Variants in ZMAT4 observed in about 807,000 individuals in gnomAD.
ZMAT4 encodes zinc finger matrin-type 4.
A neutral mutation model predicts 28.7 loss-of-function variants in ZMAT4; 17 were observed. The ratio of observed to expected loss-of-function variants is 0.59; its 90% CI spans 0.41 to 0.89. The LOEUF (loss-of-function observed/expected upper bound fraction) is 0.89, where lower values mean the gene tolerates loss of function less well. Among genes scored for constraint, ZMAT4 ranks in the 40% least tolerant of loss-of-function variants. ZMAT4 has a pLI of 0.00. For synonymous variants in ZMAT4, 117 were observed against 109.2 expected (o/e 1.07, Z -0.44); for missense variants, 240 against 283.8 (o/e 0.85, Z 1.11).
intron 5 of ZMAT4, among the ~76,000 whole-genome samples, chr8:40,671,473 T>C (rs1434279507): frequency 1.3e-5 from 2 of 152,204 alleles, no homozygotes; most frequent in Admixed American, 1.3e-4. Flanking sequence ...TATAGAATAC[T>C]ACTCAGTAAT....
chr8:40,834,935 G>A (rs551916434), intron 1 of ZMAT4, among the ~76,000 whole-genome samples: 1 of 152,356 alleles, frequency 6.6e-6, no homozygotes, highest in East Asian at 1.9e-4. Context: ...TTTGGGGAGA[G>A]CCCAAGGTGT....
intron 1 of ZMAT4, among the ~76,000 whole-genome samples, chr8:40,874,686 C>A (rs1817980470): frequency 6.6e-6 from 1 of 152,226 alleles, no homozygotes; most frequent in African/African-American, 2.4e-5. Flanking sequence ...AATTTAAGCA[C>A]AATTTATTGA....
chr8:40,539,012 C>T (rs1802939159), intron 6 of ZMAT4, among the ~76,000 whole-genome samples: 1 of 152,124 alleles, frequency 6.6e-6, no homozygotes, highest in African/African-American at 2.4e-5. Context: ...TCTTGATCTC[C>T]TGACCTCGTG....
intron 3 of ZMAT4, among the ~76,000 whole-genome samples, chr8:40,705,430 A>G (rs1282940984): frequency 6.6e-6 from 1 of 152,162 alleles, no homozygotes; most frequent in East Asian, 1.9e-4. Context: ...AGATATTTAA[A>G]TGTGCTTATT....
chr8:40,558,842 G>A (rs1252401905), intron 6 of ZMAT4, among the ~76,000 whole-genome samples: 2 of 151,852 alleles, frequency 1.3e-5, no homozygotes, highest in Admixed American at 6.6e-5. Context: ...TTAGGCCCAC[G>A]CCCTTTTGTG....
At chr8:40,836,151 G>A (rs1310228312) in intron 1 of ZMAT4, among the ~76,000 whole-genome samples, 3 of 152,180 alleles carry the variant, frequency 2.0e-5, no homozygotes, top group African/African-American at 7.2e-5. Flanking sequence ...GATGCAGTAA[G>A]AAATCGGGAA....
At chr8:40,778,096 G>A (rs551195447) in intron 2 of ZMAT4, among the ~76,000 whole-genome samples, 3 of 152,056 alleles carry the variant, frequency 2.0e-5, no homozygotes, top group Admixed American at 6.6e-5. Flanking sequence ...AACAAAACTC[G>A]CTTTAAACAG....
At chr8:40,679,549 G>A (rs981173161) in intron 4 of ZMAT4, among the ~76,000 whole-genome samples, 6 of 152,104 alleles carry the variant, frequency 3.9e-5, no homozygotes, top group African/African-American at 1.2e-4. Context: ...GGACGGGAAG[G>A]CCCCTTATAA....
In ZMAT4 at chr8:40,709,895, G is replaced by A. The variant is rs144643564; in HGVS notation, c.193-12494C>T. Among the ~76,000 whole-genome samples the A allele has an allele frequency of 2.0e-4, 31 of 152,098 alleles. No homozygotes were observed. In the East Asian group the frequency reaches 4.6e-3, roughly 23 times the overall value. On this transcript the variant is annotated intron_variant, in intron 3 of 6. Coordinates refer to ENST00000297737, the MANE Select transcript of ZMAT4 (RefSeq NM_024645.3). ...CTACTAAAAATAAAAAAAATTAGCCGGGTGTGGTGGTGCTCGCCTGTAATC... is the reference window on the plus strand; with the variant it reads ...CTACTAAAAATAAAAAAAATTAGCCAGGTGTGGTGGTGCTCGCCTGTAATC...
chr8:40,788,745 A>C (rs1400643095), intron 2 of ZMAT4, among the ~76,000 whole-genome samples: 2 of 150,444 alleles, frequency 1.3e-5, no homozygotes, highest in African/African-American at 4.9e-5. Context: ...TTATTCTGAT[A>C]TCAAAAACAA....
At chr8:40,756,457 T>TATATATATATATATATATATATAG (rs1278110013) in intron 3 of ZMAT4, among the ~76,000 whole-genome samples, 1 of 113,316 alleles carries the variant, frequency 8.8e-6, no homozygotes, top group Admixed American at 9.2e-5. Context: ...TATATATATA[T>TATATATATATATATATATATATAG]ACACACTTGT....
intron 1 of ZMAT4, among the ~76,000 whole-genome samples, chr8:40,851,364 C>T (rs1817101201): frequency 1.3e-5 from 2 of 152,108 alleles, no homozygotes; most frequent in Admixed American, 1.3e-4. Context: ...AAAAACTTAA[C>T]TATATTTTAA....
chr8:40,732,286 TAGAAG>T (rs148427631), intron 3 of ZMAT4, among the ~76,000 whole-genome samples: 59,244 of 151,540 alleles, frequency 0.39, 12,222 homozygotes, highest in Middle Eastern at 0.49. Flanking sequence ...AAAGGGACCT[TAGAAG>T]AGTGCCTACA....
Position 40,676,820 on chromosome 8 carries a change from C to A in ZMAT4, c.350-1889G>T, listed in dbSNP as rs181276934. Among the ~76,000 whole-genome samples the A allele has an allele frequency of 1.4e-4, 22 of 152,170 alleles. No homozygotes were observed. In the East Asian group the frequency reaches 3.9e-3, roughly 27 times the overall value. On this transcript the variant is annotated intron_variant, in intron 4 of 6. Coordinates refer to ENST00000297737, the MANE Select transcript of ZMAT4 (RefSeq NM_024645.3). ...TTGTGGGATTTGGTCATGTTATCAC[C>A]ATGTAGAAATAAAGCTCAAATGTGG...
intron 6 of ZMAT4, among the ~76,000 whole-genome samples, chr8:40,559,619 C>T (rs967721415): frequency 6.6e-6 from 1 of 152,014 alleles, no homozygotes; most frequent in Non-Finnish European, 1.5e-5. Flanking sequence ...AGGTTGTAAC[C>T]CTTTATAAAA....
chr8:40,860,360 G>A lies in ZMAT4; in HGVS notation c.-4-34680C>T, dbSNP rs933617072. 3.9e-5 allele frequency among the ~76,000 whole-genome samples: 6 copies of A among 152,126 alleles called. No individual in the cohort carries two copies. In the East Asian group the frequency reaches 5.8e-4, roughly 15 times the overall value. On this transcript the variant is annotated intron_variant, in intron 1 of 6. Transcript: ENST00000297737. ...TCAAGGTCATTGCCACACTCTGTCCGCAGGATTTACAGGCATAATTAACAT... is the reference window on the plus strand; with the variant it reads ...TCAAGGTCATTGCCACACTCTGTCCACAGGATTTACAGGCATAATTAACAT...
intron 1 of ZMAT4, among the ~76,000 whole-genome samples, chr8:40,831,789 A>T (rs1816289555): frequency 6.6e-6 from 1 of 152,184 alleles, no homozygotes; most frequent in Non-Finnish European, 1.5e-5. Flanking sequence ...GCTCTCCAGT[A>T]TCGGGCATTG....
chr8:40,615,243 G>A (rs910520166), intron 5 of ZMAT4, among the ~76,000 whole-genome samples: 7 of 152,214 alleles, frequency 4.6e-5, no homozygotes, highest in Non-Finnish European at 7.4e-5. Flanking sequence ...TAAGAATGTT[G>A]AATATTGGCC....
chr8:40,791,247 A>G (rs2150578806), intron 2 of ZMAT4, among the ~76,000 whole-genome samples: 1 of 152,344 alleles, frequency 6.6e-6, no homozygotes, highest in South Asian at 2.1e-4. Flanking sequence ...ATGGGATGGC[A>G]TCCAGAGAGT....
Sources: gnomAD v4.1 joint callset for allele counts (sites outside exome capture counted in the v4.1 genomes callset) on GRCh38, gnomAD v4.1.1 for gene constraint, MANE v1.5 for transcripts, NCBI Gene and HGNC (gene_info 2026-07-23, HGNC 2026-07-21) for gene names.